The following NEK11 variants were observed in gnomAD, a reference collection of about 807,000 sequenced individuals.
NEK11 encodes the protein NIMA related kinase 11, also known as serine/threonine-protein kinase Nek11.
Under a neutral mutation model 80.7 loss-of-function variants are expected in NEK11, and 72 were observed. The observed-to-expected ratio is 0.89, with a 90% confidence interval of 0.74 to 1.08. NEK11 has a LOEUF of 1.08. NEK11 is among the 50% of genes least tolerant of loss of function. The pLI, the probability that NEK11 is intolerant of heterozygous loss-of-function variation, is 0.00. For missense variants in NEK11, 764 were observed against 763.6 expected (o/e 1.00, Z -0.01); for synonymous variants, 251 against 260.7 (o/e 0.96, Z 0.36).
At chr3:131,225,223 A>G (rs988736754) in intron 14 of NEK11, among the ~76,000 whole-genome samples, 1 of 152,246 alleles carries the variant, frequency 6.6e-6, no homozygotes, top group Non-Finnish European at 1.5e-5. Flanking sequence ...ACAAGTACTT[A>G]CCACTGTATT....
chr3:131,103,286 G>A (rs749283191), intron 4 of NEK11, among the ~76,000 whole-genome samples: 1 of 152,180 alleles, frequency 6.6e-6, no homozygotes, highest in Non-Finnish European at 1.5e-5. Context: ...TTTCTCATCT[G>A]AGAAGGTTGG....
At chr3:131,105,739 C>T (rs1050414157) in intron 4 of NEK11, among the ~76,000 whole-genome samples, 1 of 152,142 alleles carries the variant, frequency 6.6e-6, no homozygotes, top group Admixed American at 6.5e-5. Context: ...CACCTGGTCC[C>T]GCCCTTGACA....
intron 17 of NEK11, among the ~76,000 whole-genome samples, chr3:131,333,118 A>G (rs931847069): frequency 7.2e-5 from 11 of 152,138 alleles, no homozygotes; most frequent in Admixed American, 2.0e-4. Flanking sequence ...TACAGAGAAC[A>G]CCACAAAGAT....
chr3:131,126,985 G>T (rs1306705939), intron 5 of NEK11, among the ~76,000 whole-genome samples: 53 of 97,456 alleles, frequency 5.4e-4, no homozygotes, highest in African/African-American at 2.3e-3. Flanking sequence ...TTTTTTTTGA[G>T]ACAGAGTCTC....
chr3:131,104,137 A>G (rs1218199172), intron 4 of NEK11, among the ~76,000 whole-genome samples: 2 of 152,108 alleles, frequency 1.3e-5, no homozygotes, highest in Non-Finnish European at 2.9e-5. Context: ...GTGGTGTGCT[A>G]TAGGCCTGCA....
chr3:131,208,608 C>T (rs1244334015), intron 14 of NEK11, among the ~76,000 whole-genome samples: 1 of 152,104 alleles, frequency 6.6e-6, no homozygotes, highest in African/African-American at 2.4e-5. Flanking sequence ...ATGGAATGTT[C>T]TTCCATTTGT....
At chr3:131,057,232 G>T (rs1371152697) in intron 3 of NEK11, among the ~76,000 whole-genome samples, 1 of 151,414 alleles carries the variant, frequency 6.6e-6, no homozygotes, top group East Asian at 1.9e-4. Context: ...ATTTTTTATG[G>T]CTGCATAGTA....
chr3:131,304,252 T>C (rs972999713), intron 17 of NEK11, among the ~76,000 whole-genome samples: 2 of 152,270 alleles, frequency 1.3e-5, no homozygotes, highest in African/African-American at 2.4e-5. Context: ...TTTTCAGCTC[T>C]ATCAGATCAG....
chr3:131,226,366 C>T (rs1441999526), intron 14 of NEK11, among the ~76,000 whole-genome samples: 1 of 152,102 alleles, frequency 6.6e-6, no homozygotes, highest in Non-Finnish European at 1.5e-5. Flanking sequence ...AGCAAAAAGA[C>T]ACCTGCACGT....
chr3:131,330,927 G>GGGGC (rs2097068272), intron 17 of NEK11: 1 of 97,576 alleles, frequency 1.0e-5, no homozygotes, highest in Non-Finnish European at 2.0e-5. Flanking sequence ...AGAGAAGGAA[G>GGGGC]GGGGGGGGGC....
chr3:131,092,434 T>C (rs1042993532), intron 4 of NEK11, among the ~76,000 whole-genome samples: 7 of 152,116 alleles, frequency 4.6e-5, no homozygotes, highest in African/African-American at 1.7e-4. Context: ...ACAATTATAA[T>C]AAAATGAATC....
At chr3:131,148,523 T>C (rs559528209) in intron 7 of NEK11, among the ~76,000 whole-genome samples, 2 of 151,928 alleles carry the variant, frequency 1.3e-5, no homozygotes, top group African/African-American at 2.4e-5. Context: ...TCAACAAATA[T>C]CTATATTGAG....
intron 3 of NEK11, among the ~76,000 whole-genome samples, chr3:131,041,618 A>G (rs2066496299): frequency 6.6e-6 from 1 of 152,116 alleles, no homozygotes; most frequent in East Asian, 1.9e-4. Flanking sequence ...TTTTAATTGG[A>G]CAGTTTTTTA....
At chr3:131,082,703 T>G (rs1054708539) in intron 4 of NEK11, among the ~76,000 whole-genome samples, 5 of 152,164 alleles carry the variant, frequency 3.3e-5, no homozygotes, top group African/African-American at 1.2e-4. Flanking sequence ...ATTGAAAAAA[T>G]TTATAATTTT....
intron 7 of NEK11, among the ~76,000 whole-genome samples, chr3:131,152,180 GC>G (rs1455197444): frequency 2.6e-5 from 4 of 151,076 alleles, no homozygotes; most frequent in African/African-American, 7.3e-5. Flanking sequence ...TTACTTTTGT[GC>G]TTTATTCTTT....
intron 14 of NEK11, among the ~76,000 whole-genome samples, chr3:131,219,820 C>T (rs771322847): frequency 2.0e-5 from 3 of 152,140 alleles, no homozygotes; most frequent in Non-Finnish European, 4.4e-5. Flanking sequence ...AGCTAGCAGA[C>T]GAGGGTGTGC....
intron 9 of NEK11, among the ~76,000 whole-genome samples, chr3:131,153,317 A>C (rs2090039869): frequency 6.6e-6 from 1 of 152,218 alleles, no homozygotes; most frequent in South Asian, 2.1e-4. Context: ...CTAACAGAGG[A>C]TGCTAAAATC....
chr3:131,052,662 ATTAT>A (rs1018442149), intron 3 of NEK11, among the ~76,000 whole-genome samples: 1 of 152,160 alleles, frequency 6.6e-6, no homozygotes, highest in African/African-American at 2.4e-5. Flanking sequence ...CTGGTGGCAA[ATTAT>A]TTATGAGCAG....
At chr3:131,302,808 A>G (rs1183309277) in intron 17 of NEK11, among the ~76,000 whole-genome samples, 2 of 152,162 alleles carry the variant, frequency 1.3e-5, no homozygotes, top group East Asian at 3.9e-4. Context: ...TGTGGCAATG[A>G]GAAGAATGTA....
Sources: allele counts gnomAD v4.1 joint callset (sites outside exome capture counted in the v4.1 genomes callset), GRCh38; gene constraint gnomAD v4.1.1; transcripts MANE v1.5; gene names NCBI Gene and HGNC (gene_info 2026-07-23, HGNC 2026-07-21).